Variants in RALB observed in about 807,000 individuals in gnomAD.
The protein encoded by RALB is RAS like proto-oncogene B.
A neutral mutation model predicts 21.3 loss-of-function variants in RALB; 16 were observed. That is an observed-to-expected ratio of 0.75 (90% confidence interval 0.51 to 1.14). The LOEUF is 1.14. Among genes scored for constraint, RALB ranks in the 50% most tolerant of loss-of-function variants. The probability of loss-of-function intolerance (pLI) is 0.00; values close to 1 mark genes in which losing one functional copy is unlikely to be tolerated. For missense variants in RALB, 161 were observed against 256.2 expected, an observed-to-expected ratio of 0.63 and a Z score of 2.54; for synonymous variants, 93 against 96.1, an observed-to-expected ratio of 0.97 and a Z score of 0.19.
chr2:120,290,801 G>C (rs551020106), intron 4 of RALB, among the ~76,000 whole-genome samples: 9 of 152,134 alleles, frequency 5.9e-5, no homozygotes, highest in Admixed American at 2.0e-4. Context: ...TAAAGTTCAA[G>C]GTGGTTGCCA....
chr2:120,240,585 C>A (rs2104561562), intron 1 of RALB, among the ~76,000 whole-genome samples: 1 of 152,304 alleles, frequency 6.6e-6, no homozygotes, highest in South Asian at 2.1e-4. Context: ...AGGTGTGAGC[C>A]ACCGCACCTG....
At chr2:120,253,838 C>A in intron 1 of RALB, 1 of 397,664 alleles carries the variant, frequency 2.5e-6, no homozygotes, top group Non-Finnish European at 3.4e-6. Flanking sequence ...CATCTTCAGC[C>A]CTTGTAGAAC....
intron 2 of RALB, among the ~76,000 whole-genome samples, chr2:120,282,787 T>C (rs1224029194): frequency 6.6e-6 from 1 of 152,018 alleles, no homozygotes; most frequent in African/African-American, 2.4e-5. Flanking sequence ...GTGATGTATG[T>C]TTGGGGGAGG....
chr2:120,240,216 C>A, intron 1 of RALB: 1 of 1,217,802 alleles, frequency 8.2e-7, no homozygotes, highest in Non-Finnish European at 1.1e-6. Context: ...CCAAAGGAAG[C>A]TCAGAGAGGT....
At position 120,289,694 on chromosome 2, in the gene RALB, A is replaced by G; in HGVS notation, c.438A>G (p.Lys146=). Residue 146 remains lysine (K), a synonymous_variant, in exon 4 of 5, where the codon AAA becomes AAG. Coordinates refer to ENST00000272519, the MANE Select transcript of RALB (RefSeq NM_002881.3). The part of the protein sequence containing the change: ...RQVPVEEARS[K]AEEWGVQYVE... The stretch of plus-strand genomic sequence containing the variant: ...TGCCTGTGGAGGAGGCCAGGAGTAA[A>G]GCCGAAGAGTGGGGCGTGCAGTACG... 1.2e-6 allele frequency: 2 copies of G among 1,614,210 alleles called. No individual in the cohort carries two copies. Among genetic ancestry groups the G allele is most frequent in the Non-Finnish European group, 1.7e-6 (2 of 1,180,038 alleles).
rs1185557579 is a variant in RALB at position 120,278,678 on chromosome 2, A to G, written c.14A>G (p.Lys5Arg). Residue 5 changes from lysine to arginine, a missense_variant, in exon 2 of 5, where the codon AAG becomes AGG. Physicochemically the swap from Lys to Arg is conservative, Grantham distance 26. Transcript: ENST00000272519. Reference sequence around the variant, plus strand: ...AAGACCAGCGAGATGGCTGCCAACAAGAGTAAGGGCCAGAGCTCCTTGGCC... The same window carrying G: ...AAGACCAGCGAGATGGCTGCCAACAGGAGTAAGGGCCAGAGCTCCTTGGCC... MAAN[K>R]SKGQSSLALH... The G allele has an allele frequency of 1.3e-6, 2 of 1,597,426 alleles. No homozygotes were observed. Among genetic ancestry groups the G allele is most frequent in the South Asian group, 2.3e-5 (2 of 88,580 alleles).
chr2:120,244,237 A>C (rs923303642), intron 1 of RALB, among the ~76,000 whole-genome samples: 6 of 152,172 alleles, frequency 3.9e-5, no homozygotes, highest in Non-Finnish European at 8.8e-5. Context: ...GCAATTCCAC[A>C]TGAGATTTGG....
At chr2:120,292,865 T>TA (rs1690340337) in intron 4 of RALB, among the ~76,000 whole-genome samples, 1 of 152,220 alleles carries the variant, frequency 6.6e-6, no homozygotes, top group African/African-American at 2.4e-5. Flanking sequence ...AGTTGTGTGA[T>TA]ACGAGCAGTT....
At chr2:120,272,555 A>G (rs1256375696) in intron 1 of RALB, among the ~76,000 whole-genome samples, 2 of 152,222 alleles carry the variant, frequency 1.3e-5, no homozygotes, top group East Asian at 1.9e-4. Flanking sequence ...GGTTGTTTCA[A>G]CTTTTCTTAG....
chr2:120,247,031 A>G (rs930497970), intron 1 of RALB, among the ~76,000 whole-genome samples: 2 of 152,160 alleles, frequency 1.3e-5, no homozygotes, highest in African/African-American at 2.4e-5. Context: ...TTATCTCGCA[A>G]TGGAGTACTT....
chr2:120,241,726 C>CA (rs146030904), intron 1 of RALB, among the ~76,000 whole-genome samples: 19,526 of 150,854 alleles, frequency 0.13, 1,550 homozygotes, highest in African/African-American at 0.22. Flanking sequence ...AACTCCATCT[C>CA]AAAAAAAACA....
At chr2:120,283,679 G>A (rs964108770) in intron 2 of RALB, among the ~76,000 whole-genome samples, 48 of 152,200 alleles carry the variant, frequency 3.2e-4, no homozygotes, top group African/African-American at 9.4e-4. Flanking sequence ...GGCAGCAACC[G>A]TTTCAGACTT....
intron 4 of RALB, among the ~76,000 whole-genome samples, chr2:120,292,184 T>C (rs182769489): frequency 6.6e-6 from 1 of 152,338 alleles, no homozygotes; most frequent in African/African-American, 2.4e-5. Flanking sequence ...CAGTTCTTGA[T>C]AAAGTTCCTC....
intron 1 of RALB, chr2:120,253,740 TC>T: frequency 1.0e-6 from 1 of 984,342 alleles, no homozygotes; most frequent in Non-Finnish European, 1.2e-6. Flanking sequence ...AGGTGAGTCT[TC>T]GGGAGAGAAG....
chr2:120,263,836 A>G (rs1475382886), intron 1 of RALB, among the ~76,000 whole-genome samples: 2 of 143,014 alleles, frequency 1.4e-5, no homozygotes, highest in East Asian at 4.3e-4. Context: ...GGCCTGTCCT[A>G]TATTTTATTT....
chr2:120,266,538 T>C (rs2104605495), intron 1 of RALB, among the ~76,000 whole-genome samples: 1 of 152,226 alleles, frequency 6.6e-6, no homozygotes, highest in African/African-American at 2.4e-5. Flanking sequence ...TGAGCCACTG[T>C]GCCCTGCCAA....
chr2:120,251,595 T>C (rs1354596746), upstream of RALB, among the ~76,000 whole-genome samples: 2 of 152,246 alleles, frequency 1.3e-5, no homozygotes, highest in African/African-American at 2.4e-5. Flanking sequence ...ACTTAACTGT[T>C]ACTCCGTAAG....
chr2:120,285,865 T>C lies in RALB; in HGVS notation c.115-9T>C. On this transcript the variant is annotated splice_polypyrimidine_tract_variant and intron_variant, in intron 2 of 4. Coordinates refer to ENST00000272519, the MANE Select transcript of RALB (RefSeq NM_002881.3). ...CTTTGTTAATTACCGATAATGTTTA[T>C]TTCCTCAGTTTGTAGAAGACTATGA... 6.2e-7 allele frequency: 1 copy of C among 1,609,348 alleles called. No individual in the cohort carries two copies. The highest frequency in any genetic ancestry group is 8.5e-7 in the Non-Finnish European group (1 of 1,175,886).
intron 1 of RALB, among the ~76,000 whole-genome samples, chr2:120,269,016 T>C (rs1689579631): frequency 6.6e-6 from 1 of 152,238 alleles, no homozygotes; most frequent in African/African-American, 2.4e-5. Context: ...ATTTTGTACC[T>C]CCTCCTAAAT....
Sources: gnomAD v4.1 joint callset for allele counts (sites outside exome capture counted in the v4.1 genomes callset) on GRCh38, gnomAD v4.1.1 for gene constraint, MANE v1.5 for transcripts, NCBI Gene and HGNC (gene_info 2026-07-23, HGNC 2026-07-21) for gene names.